CAND2: variants seen among roughly 807,000 people sequenced by gnomAD.
CAND2 encodes the protein cullin-associated NEDD8-dissociated protein 2.
Under a neutral mutation model 98.9 loss-of-function variants are expected in CAND2, and 62 were observed. That is an observed-to-expected ratio of 0.63 (90% CI 0.51 to 0.77). CAND2 has a LOEUF of 0.77. Ranked by LOEUF, CAND2 falls within the 30% of genes least tolerant of loss-of-function variation. CAND2 has a pLI of 0.00. For missense variants in CAND2, 1,501 were observed against 1,655.2 expected, an observed-to-expected ratio of 0.91 and a Z score of 1.62; for synonymous variants, 770 against 731.9, an observed-to-expected ratio of 1.05 and a Z score of -0.84.
At position 12,817,850 on chromosome 3, in the gene CAND2, C is replaced by G. The variant is rs1234562485; in HGVS notation, c.2918C>G (p.Pro973Arg). 1 of 1,506,860 alleles carries G rather than the reference C, an allele frequency of 6.6e-7. No individual in the cohort carries two copies. The highest frequency in any genetic ancestry group is 1.4e-5 in the African/African-American group (1 of 71,462). The allele number at this position is 1,506,860 out of a possible 1,614,324, so 93.3% of individuals were successfully genotyped here. The change falls in exon 10 of 15, where the codon CCC (proline) becomes CGC (arginine). Residue 973 changes from proline to arginine, a missense_variant. Physicochemically the swap from Pro to Arg is moderately radical, Grantham distance 103 (BLOSUM62 -2). Around this residue, in one of 3 missense-constraint regions of CAND2, gnomAD observed 1,427 missense variants for 1,545.3 expected, o/e 0.92. Transcript: ENST00000456430. ...LVLVNPSFLL[P>R]RLRKQLAAGR... ...CTTGTGAACCCTTCGTTCCTTCTGC[C>G]CCGCTTGCGGAAGCAGCTTGCTGCA...
Position 12,803,511 on chromosome 3 carries a change from T to G in CAND2, c.92T>G (p.Met31Arg). The change falls in exon 2 of 15, where the codon ATG (methionine) becomes AGG (arginine). Residue 31 changes from methionine to arginine, a missense_variant. Around this residue, in one of 3 missense-constraint regions of CAND2, gnomAD observed 62 missense variants for 77.3 expected, o/e 0.80. Coordinates refer to ENST00000456430, the MANE Select transcript of CAND2 (RefSeq NM_001162499.2). ...DFRFMATSDLMSELQKDSIQL... is the reference protein window; with the variant it reads ...DFRFMATSDLRSELQKDSIQL... ...AGGTTCATGGCCACCAGCGACCTGATGTCGGAGTTGCAGAAGGACTCCATC... is the reference window on the plus strand; with the variant it reads ...AGGTTCATGGCCACCAGCGACCTGAGGTCGGAGTTGCAGAAGGACTCCATC... The G allele has an allele frequency of 1.2e-6, 2 of 1,612,658 alleles. No individual in the cohort carries two copies. Among genetic ancestry groups the G allele is most frequent in the Non-Finnish European group, 1.7e-6 (2 of 1,179,262 alleles).
chr3:12,802,708 G>T (rs564945405), intron 1 of CAND2, among the ~76,000 whole-genome samples: 1 of 152,324 alleles, frequency 6.6e-6, no homozygotes, highest in African/African-American at 2.4e-5. Context: ...CCATCATGTG[G>T]CACTTAACGA....
chr3:12,816,419 G>T lies in CAND2; in HGVS notation c.1487G>T (p.Arg496Leu). 6.2e-7 allele frequency: 1 copy of T among 1,613,816 alleles called. No homozygotes were observed. Residue 496 changes from arginine to leucine, a missense_variant, in exon 10 of 15, where the codon CGG becomes CTG. Physicochemically the swap from Arg to Leu is moderately radical, Grantham distance 102. Around this residue, in one of 3 missense-constraint regions of CAND2, gnomAD observed 1,427 missense variants for 1,545.3 expected, o/e 0.92. Transcript: ENST00000456430. The part of the protein sequence containing the change: ...LADRSSSSTI[R>L]MDALAFLQGL... ...GACCGCTCCAGCTCCTCCACCATCCGGATGGATGCCCTGGCCTTCTTGCAG... is the reference window on the plus strand; with the variant it reads ...GACCGCTCCAGCTCCTCCACCATCCTGATGGATGCCCTGGCCTTCTTGCAG...
intron 10 of CAND2, among the ~76,000 whole-genome samples, chr3:12,819,118 C>T (rs990777765): frequency 9.8e-5 from 15 of 152,312 alleles, no homozygotes; most frequent in East Asian, 3.9e-4. Context: ...TGCCTTCAGT[C>T]GTCCTTGGCC....
At chr3:12,817,954 A>G (rs2124858047) in intron 10 of CAND2, 78 bp downstream of exon 10, 4 of 1,324,068 alleles carry the variant, frequency 3.0e-6, no homozygotes. Flanking sequence ...CAGCTGGGGC[A>G]GAGTGAGCTA....
intron 5 of CAND2, 81 bp downstream of exon 5, chr3:12,810,405 G>T: frequency 2.3e-6 from 3 of 1,317,998 alleles, no homozygotes; most frequent in Non-Finnish European, 2.9e-6. Flanking sequence ...AAGGGGCGGA[G>T]CTTGGGCCGC....
Position 12,798,040 on chromosome 3 carries a change from C to A in CAND2, c.68+1252C>A, listed in dbSNP as rs574951371. 2.0e-5 allele frequency among the ~76,000 whole-genome samples: 3 copies of A among 152,284 alleles called. No individual in the cohort carries two copies. The South Asian group carries it at 6.2e-4, about 32-fold the overall frequency. Reference sequence around the variant, plus strand: ...GTGTGACCATGGACAAGTAACTTAACCCCCATGAGTCTCCCTGTGCTTCTG... The same window carrying A: ...GTGTGACCATGGACAAGTAACTTAAACCCCATGAGTCTCCCTGTGCTTCTG... On this transcript the variant is annotated intron_variant, in intron 1 of 14. Transcript: ENST00000456430.
intron 1 of CAND2, among the ~76,000 whole-genome samples, chr3:12,798,995 T>C (rs1051483820): frequency 6.6e-6 from 1 of 152,180 alleles, no homozygotes; most frequent in African/African-American, 2.4e-5. Context: ...GGGCCCTGGC[T>C]TTATGGGCAG....
chr3:12,829,065 C>G (rs1046365268), intron 13 of CAND2, among the ~76,000 whole-genome samples: 1 of 152,140 alleles, frequency 6.6e-6, no homozygotes, highest in Non-Finnish European at 1.5e-5. Flanking sequence ...TTCACTTTAC[C>G]CAGAAGTGAA....
intron 1 of CAND2, among the ~76,000 whole-genome samples, chr3:12,797,021 C>T (rs1469813955): frequency 6.6e-6 from 1 of 151,902 alleles, no homozygotes; most frequent in Non-Finnish European, 1.5e-5. Flanking sequence ...ACTCCAGTCC[C>T]TGCTTCGTCT....
At chr3:12,811,522 TA>T (rs1420649809) in intron 5 of CAND2, among the ~76,000 whole-genome samples, 7 of 152,236 alleles carry the variant, frequency 4.6e-5, no homozygotes, top group African/African-American at 1.2e-4. Context: ...ATGGTTTTGA[TA>T]ACAGATGCTA....
chr3:12,831,345 C>T, intron 13 of CAND2, 120 bp from the exon 14 acceptor site: 1 of 754,784 alleles, frequency 1.3e-6, no homozygotes, highest in Non-Finnish European at 2.3e-6. Context: ...GGCAGGACTT[C>T]ACGGTGGTCT....
At chr3:12,826,021 G>C (rs1368079485) in intron 12 of CAND2, among the ~76,000 whole-genome samples, 1 of 152,196 alleles carries the variant, frequency 6.6e-6, no homozygotes, top group African/African-American at 2.4e-5. Context: ...GGGCCTGACT[G>C]GGTTTCTGCC....
rs11718898 is a variant in CAND2, at chr3:12,807,323, T to G, written c.230T>G (p.Val77Gly). 1.9e-6 allele frequency: 3 copies of G among 1,550,948 alleles called. No homozygotes were observed. The highest frequency in any genetic ancestry group is 2.6e-6 in the Non-Finnish European group (3 of 1,146,726). Reference protein sequence around the residue: ...LAVKCLGPLVVKVKEYQVETI... With the variant: ...LAVKCLGPLVGKVKEYQVETI... ...CTGCTCAGCCTGGGTCCTCTGGTGG[T>G]CAAAGTGAAGGAGTACCAGGTGGAG... The change falls in exon 3 of 15, where the codon GTC (valine) becomes GGC (glycine). Residue 77 changes from valine (V) to glycine (G), a missense_variant. Around this residue, in one of 3 missense-constraint regions of CAND2, gnomAD observed 12 missense variants for 32.6 expected, o/e 0.37. Transcript: ENST00000456430.
At chr3:12,803,174 A>ACCAT (rs2061779052) in intron 1 of CAND2, among the ~76,000 whole-genome samples, 1 of 152,018 alleles carries the variant, frequency 6.6e-6, no homozygotes, top group Non-Finnish European at 1.5e-5. Flanking sequence ...TATTTTGTTT[A>ACCAT]GTAGAGACTG....
rs774326309 is a variant in CAND2, at chr3:12,833,831, C to T, written c.3560C>T (p.Ala1187Val). 1.3e-5 allele frequency: 21 copies of T among 1,614,100 alleles called. No individual in the cohort carries two copies. Among genetic ancestry groups the T allele is most frequent in the Non-Finnish European group, 1.8e-5 (21 of 1,180,036 alleles). Residue 1187 changes from alanine (A) to valine (V), a missense_variant, in exon 15 of 15, where the codon GCC (alanine) becomes GTC (valine). This residue lies in a region of CAND2 where 1,427 missense variants were observed against 1,545.3 expected (regional missense o/e 0.92). Coordinates refer to ENST00000456430, the MANE Select transcript of CAND2 (RefSeq NM_001162499.2). ...LKRSAMRAVA[A>V]LLTIPEVGKS... ...CGCTCTGCAATGAGGGCAGTGGCTGCCCTGCTGACCATCCCCGAGGTGGGG... is the reference window on the plus strand; with the variant it reads ...CGCTCTGCAATGAGGGCAGTGGCTGTCCTGCTGACCATCCCCGAGGTGGGG...
At chr3:12,822,153 A>G (rs1483829494) in intron 11 of CAND2, among the ~76,000 whole-genome samples, 4 of 151,788 alleles carry the variant, frequency 2.6e-5, no homozygotes, top group Non-Finnish European at 5.9e-5. Context: ...CTTCTCTCCC[A>G]CTTATTTATT....
intron 3 of CAND2, 71 bp downstream of exon 3, chr3:12,807,531 A>G: frequency 1.4e-6 from 2 of 1,398,354 alleles, no homozygotes; most frequent in African/African-American, 1.7e-5. Context: ...AAACGAAAAA[A>G]CAAAAAAAAA....
At chr3:12,811,115 G>T (rs1158117537) in intron 5 of CAND2, among the ~76,000 whole-genome samples, 1 of 148,568 alleles carries the variant, frequency 6.7e-6, no homozygotes, top group Non-Finnish European at 1.5e-5. Flanking sequence ...GCAGGCACAC[G>T]GCGGGGGGTG....
Sources: gnomAD v4.1 joint callset for allele counts (sites outside exome capture counted in the v4.1 genomes callset) on GRCh38, gnomAD v4.1.1 for gene constraint, gnomAD v4.1.1 regional missense constraint, MANE v1.5 for transcripts, NCBI Gene and HGNC (gene_info 2026-07-23, HGNC 2026-07-21) for gene names.